TAB3: variants seen among roughly 807,000 people sequenced by gnomAD.
The protein encoded by TAB3 is TGF-beta-activated kinase 1 and MAP3K7-binding protein 3.
A neutral mutation model predicts 48.1 loss-of-function variants in TAB3; 18 were observed. The observed-to-expected ratio is 0.37, with a 90% CI of 0.26 to 0.55. The LOEUF (loss-of-function observed/expected upper bound fraction) is 0.55, where lower values mean the gene tolerates loss of function less well. Among genes scored for constraint, TAB3 ranks in the 20% least tolerant of loss-of-function variants. The probability of loss-of-function intolerance (pLI) is 0.78; values close to 1 mark genes in which losing one functional copy is unlikely to be tolerated. For synonymous variants in TAB3, 185 were observed against 190.2 expected (o/e 0.97, Z 0.22); for missense variants, 414 against 549.8 (o/e 0.75, Z 2.47).
At chrX:30,889,063 C>G (rs1357921690) in intron 1 of TAB3, 51 bp downstream of exon 1, 1 of 113,173 alleles carries the variant, frequency 8.8e-6, no homozygotes, top group Non-Finnish European at 1.9e-5. Flanking sequence ...CCCGGGGGCG[C>G]CCCCGACGTC....
In TAB3 at chrX:30,829,250, A is replaced by G. The variant is rs1475406064; in HGVS notation, c.*2177T>C. The G allele has an allele frequency of 8.9e-6, 1 of 112,526 alleles. No homozygotes were observed. The highest frequency in any genetic ancestry group is 1.9e-5 in the Non-Finnish European group (1 of 53,285). 9.3% of individuals were successfully genotyped at this position (112,526 alleles called of 1,213,427 possible). ...TTTAAAGTCATCTACATGGTTTTAT[A>G]AAGCATCAGACTGTTTTCAGACATG... is the stretch of plus-strand genomic sequence containing the variant. On this transcript the variant is annotated 3_prime_UTR_variant, in exon 11 of 11. Transcript: ENST00000288422.
At chrX:30,834,206 G>T in intron 9 of TAB3, 54 bp from the exon 10 acceptor site, 1 of 1,056,674 alleles carries the variant, frequency 9.5e-7, no homozygotes, top group Non-Finnish European at 1.3e-6. Context: ...TCAACTGCAA[G>T]AGTGAACAGG....
At chrX:30,882,344 G>A (rs917056615) in intron 1 of TAB3, among the ~76,000 whole-genome samples, 2 of 112,411 alleles carry the variant, frequency 1.8e-5, no homozygotes, top group Admixed American at 9.4e-5. Flanking sequence ...TATCCAAGAA[G>A]TATGCTTAAC....
At chrX:30,863,297 A>T (rs1039077053) in intron 4 of TAB3, among the ~76,000 whole-genome samples, 1 of 112,475 alleles carries the variant, frequency 8.9e-6, no homozygotes, top group Non-Finnish European at 1.9e-5. Context: ...TTTGATAACT[A>T]TATCATGTTA....
chrX:30,858,780 A>G (rs73454171), intron 5 of TAB3, among the ~76,000 whole-genome samples: 1,804 of 111,837 alleles, frequency 0.016, 36 homozygotes, highest in African/African-American at 0.056. Flanking sequence ...TGGTAGGCCA[A>G]CTTCTCTGTT....
intron 7 of TAB3, among the ~76,000 whole-genome samples, chrX:30,847,698 T>C (rs1208753590): frequency 9.0e-6 from 1 of 111,055 alleles, no homozygotes. Context: ...AAACATGTAC[T>C]TTGCTAAACG....
intron 2 of TAB3, among the ~76,000 whole-genome samples, chrX:30,869,393 T>C (rs1463737576): frequency 1.8e-5 from 2 of 111,950 alleles, no homozygotes; most frequent in Non-Finnish European, 1.9e-5. Context: ...ACATTTATGT[T>C]AACCCCCTCC....
At chrX:30,845,918 T>C in intron 8 of TAB3, 1 of 910,337 alleles carries the variant, frequency 1.1e-6, no homozygotes, top group Non-Finnish European at 1.4e-6. Context: ...ATGGGAGCAA[T>C]ATTCATGGGC....
In TAB3 at chrX:30,873,912, G is replaced by A. The variant is rs768343225; in HGVS notation, c.-382-2111C>T. On this transcript the variant is annotated intron_variant, in intron 1 of 10. Transcript: ENST00000288422. ...ACATTGGCTGGGCACAGTAGCTCAC[G>A]CCTGTAATCCTAGTACTTTGGGAAG... Among the ~76,000 whole-genome samples, 3 of 111,551 alleles carry A rather than the reference G, an allele frequency of 2.7e-5. No individual in the cohort carries two copies. The East Asian group carries it at 8.4e-4, about 31-fold the overall frequency.
intron 1 of TAB3, among the ~76,000 whole-genome samples, chrX:30,887,888 A>C (rs2147425232): frequency 8.9e-6 from 1 of 112,333 alleles, no homozygotes; most frequent in South Asian, 3.7e-4. Flanking sequence ...CCCTTGATTA[A>C]GCCAGTTGTA....
At chrX:30,848,161 G>C (rs1569209056) in intron 7 of TAB3, among the ~76,000 whole-genome samples, 1 of 111,729 alleles carries the variant, frequency 9.0e-6, no homozygotes, top group Non-Finnish European at 1.9e-5. Context: ...TTGGGGGCAA[G>C]AGAGATGTTT....
rs1041701538 is a variant in TAB3 at position 30,867,114 on chromosome X, C to T, written c.-91+1G>A. On this transcript the variant is annotated splice_donor_variant, in intron 4 of 10. Transcript: ENST00000288422. LOFTEE classifies it low-confidence loss of function (5UTR_SPLICE). ...CAATTGAGTGATAGTCTACAAAATA[C>T]CTGATCAGTACTCCTCAAGAACAAA... is the stretch of plus-strand genomic sequence containing the variant. 1.8e-5 allele frequency: 2 copies of T among 111,033 alleles called. No homozygotes were observed. Among genetic ancestry groups the T allele is most frequent in the African/African-American group, 3.3e-5 (1 of 30,530 alleles). 9.2% of individuals were successfully genotyped at this position (111,033 alleles called of 1,213,427 possible).
intron 1 of TAB3, among the ~76,000 whole-genome samples, chrX:30,887,285 A>G (rs189945139): frequency 7.9e-4 from 89 of 112,279 alleles, no homozygotes; most frequent in African/African-American, 2.9e-3. Context: ...ATAGGTCACT[A>G]CCAGCTATCA....
intron 9 of TAB3, chrX:30,836,002 A>G (rs963430838): frequency 2.7e-5 from 3 of 112,079 alleles, no homozygotes; most frequent in Admixed American, 9.4e-5. Flanking sequence ...GCTAAACTAT[A>G]TGTACTTTTA....
chrX:30,859,393 A>ACACACACACACACACAC (rs1433059664), intron 5 of TAB3, 94 bp downstream of exon 5: 5 of 424,063 alleles, frequency 1.2e-5, no homozygotes, highest in African/African-American at 4.8e-5. Context: ...CACACACACA[A>ACACACACACACACACAC]GAAAACATAC....
intron 2 of TAB3, among the ~76,000 whole-genome samples, chrX:30,870,264 A>G (rs1273830528): frequency 8.9e-6 from 1 of 112,570 alleles, no homozygotes; most frequent in Non-Finnish European, 1.9e-5. Context: ...TATTTAAAAG[A>G]TTTTTTTAAA....
intron 10 of TAB3, among the ~76,000 whole-genome samples, chrX:30,833,116 G>A (rs888724204): frequency 1.6e-4 from 17 of 108,443 alleles, no homozygotes; most frequent in Non-Finnish European, 1.9e-4. Flanking sequence ...GACTACAGGC[G>A]CCTGCCACCG....
chrX:30,849,688 G>A (rs1938766776), intron 7 of TAB3, among the ~76,000 whole-genome samples: 1 of 112,176 alleles, frequency 8.9e-6, no homozygotes, highest in African/African-American at 3.2e-5. Flanking sequence ...TAGCCAGTGA[G>A]CGCCTGAGCA....
At chrX:30,883,401 C>T (rs1239702538) in intron 1 of TAB3, among the ~76,000 whole-genome samples, 1 of 112,254 alleles carries the variant, frequency 8.9e-6, no homozygotes, top group Non-Finnish European at 1.9e-5. Flanking sequence ...TCAAGAACCC[C>T]ATAAGGGAGG....
Sources: gnomAD v4.1 joint callset for allele counts (sites outside exome capture counted in the v4.1 genomes callset) on GRCh38, gnomAD v4.1.1 for gene constraint, MANE v1.5 for transcripts, NCBI Gene and HGNC (gene_info 2026-07-23, HGNC 2026-07-21) for gene names.